TRDN: variants seen among roughly 807,000 people sequenced by gnomAD.
TRDN encodes the protein triadin in skeletal muscle.
A neutral mutation model predicts 149.7 loss-of-function variants in TRDN; 161 were observed. The ratio of observed to expected loss-of-function variants is 1.08; its 90% confidence interval spans 0.95 to 1.23. TRDN has a LOEUF of 1.23. Among genes scored for constraint, TRDN ranks in the 50% most tolerant of loss-of-function variants. The pLI, the probability that TRDN is intolerant of heterozygous loss-of-function variation, is 0.00. For synonymous variants in TRDN, 294 were observed against 250.5 expected, an observed-to-expected ratio of 1.17 and a Z score of -1.64; for missense variants, 896 against 823.5, an observed-to-expected ratio of 1.09 and a Z score of -1.08.
At chr6:123,561,613 C>T (rs1167816665) in intron 2 of TRDN, among the ~76,000 whole-genome samples, 1 of 152,152 alleles carries the variant, frequency 6.6e-6, no homozygotes, top group Non-Finnish European at 1.5e-5. Flanking sequence ...CTGGGTCCTC[C>T]CAATTTTCAG....
At chr6:123,416,333 A>G (rs1443719181) in intron 12 of TRDN, among the ~76,000 whole-genome samples, 1 of 151,816 alleles carries the variant, frequency 6.6e-6, no homozygotes, top group Non-Finnish European at 1.5e-5. Flanking sequence ...CCTGCTCCTC[A>G]CTCATGCTAT....
At chr6:123,455,406 CTGTGTGTGTG>C (rs71751722) in intron 10 of TRDN, among the ~76,000 whole-genome samples, 4 of 145,742 alleles carry the variant, frequency 2.7e-5, no homozygotes, top group Admixed American at 6.9e-5. Flanking sequence ...AAGGCAACCA[CTGTGTGTGTG>C]TGTGTGTGTG....
At chr6:123,525,640 T>C (rs780918496) in intron 5 of TRDN, among the ~76,000 whole-genome samples, 18 of 151,984 alleles carry the variant, frequency 1.2e-4, no homozygotes, top group Admixed American at 6.6e-5. Flanking sequence ...TCAATCCCCA[T>C]CATTATGAAA....
intron 12 of TRDN, among the ~76,000 whole-genome samples, chr6:123,405,308 G>A (rs114441088): frequency 2.5e-3 from 387 of 152,310 alleles, no homozygotes; most frequent in African/African-American, 8.5e-3. Flanking sequence ...TAAAAGGCAA[G>A]TTATTGGTCT....
intron 24 of TRDN, among the ~76,000 whole-genome samples, chr6:123,303,919 A>G (rs1373887143): frequency 6.6e-6 from 1 of 152,204 alleles, no homozygotes; most frequent in African/African-American, 2.4e-5. Context: ...AGAATCAGAA[A>G]AAAACAGGTT....
At chr6:123,276,696 T>G (rs567034716) in intron 26 of TRDN, among the ~76,000 whole-genome samples, 4 of 152,186 alleles carry the variant, frequency 2.6e-5, no homozygotes, top group African/African-American at 9.6e-5. Flanking sequence ...CCAGGAAACA[T>G]CTGTGGAGGA....
chr6:123,544,914 C>T (rs1222238384), intron 4 of TRDN, among the ~76,000 whole-genome samples: 1 of 151,792 alleles, frequency 6.6e-6, no homozygotes, highest in Non-Finnish European at 1.5e-5. Context: ...ATACTGCAAC[C>T]CTGAGATTAG....
intron 1 of TRDN, among the ~76,000 whole-genome samples, chr6:123,579,308 A>G (rs547112495): frequency 2.0e-5 from 3 of 152,250 alleles, no homozygotes; most frequent in South Asian, 2.1e-4. Flanking sequence ...ATTTTGAGGT[A>G]TGTTCCTTCA....
intron 6 of TRDN, among the ~76,000 whole-genome samples, chr6:123,512,930 T>C (rs1242236329): frequency 6.6e-6 from 1 of 152,174 alleles, no homozygotes; most frequent in Non-Finnish European, 1.5e-5. Flanking sequence ...CCAACAAGAA[T>C]AGTAATAATG....
intron 12 of TRDN, among the ~76,000 whole-genome samples, chr6:123,408,173 T>C (rs2114504675): frequency 6.6e-6 from 1 of 152,236 alleles, no homozygotes; most frequent in African/African-American, 2.4e-5. Context: ...TCCTGGCAAA[T>C]AGTAAGTATT....
rs549451933 is a variant in TRDN at position 123,269,567 on chromosome 6, C to A, written c.1738+282G>T. Among the ~76,000 whole-genome samples, 9 of 151,758 alleles carry A rather than the reference C, an allele frequency of 5.9e-5. No homozygotes were observed. In the South Asian group the frequency reaches 1.9e-3, roughly 32 times the overall value. Reference sequence around the variant, plus strand: ...CACAGTGACAGACTTCTGGATATTTCTTTTGTATAGTTATAATCATTAATT... The same window carrying A: ...CACAGTGACAGACTTCTGGATATTTATTTTGTATAGTTATAATCATTAATT... On this transcript the variant is annotated intron_variant, in intron 31 of 40. Coordinates refer to ENST00000334268, the MANE Select transcript of TRDN (RefSeq NM_006073.4).
intron 16 of TRDN, 57 bp from the exon 17 acceptor site, chr6:123,377,955 T>A: frequency 8.0e-7 from 1 of 1,253,600 alleles, no homozygotes; most frequent in Non-Finnish European, 1.1e-6. Flanking sequence ...AGTTTATGAA[T>A]CCCAACTTAA....
At chr6:123,278,393 T>G (rs1479455184) in intron 25 of TRDN, 46 bp from the exon 26 acceptor site, 1 of 1,126,792 alleles carries the variant, frequency 8.9e-7, no homozygotes, top group Non-Finnish European at 1.2e-6. Context: ...TAGAAAGATA[T>G]TCATTTCCTA....
At chr6:123,364,029 T>G (rs985866553) in intron 20 of TRDN, among the ~76,000 whole-genome samples, 1 of 152,200 alleles carries the variant, frequency 6.6e-6, no homozygotes, top group African/African-American at 2.4e-5. Flanking sequence ...CCAATCTAGC[T>G]GTTTCTGTAT....
rs1161110635 is a variant in TRDN, at chr6:123,453,126, TAAG to T, written c.931+11777_931+11779del. On this transcript the variant is annotated intron_variant, in intron 10 of 40. Coordinates refer to ENST00000334268, the MANE Select transcript of TRDN (RefSeq NM_006073.4). ...CCAAGATGGATAAAGGATTTAAACC[TAAG>T]ACATGAAACTATAAAAATTCTAGAA... Among the ~76,000 whole-genome samples the T allele has an allele frequency of 3.3e-5, 5 of 152,164 alleles. No homozygotes were observed. In the East Asian group the frequency reaches 9.6e-4, roughly 29 times the overall value.
intron 1 of TRDN, among the ~76,000 whole-genome samples, chr6:123,632,920 A>G (rs376828108): frequency 7.2e-4 from 110 of 151,896 alleles, no homozygotes; most frequent in African/African-American, 2.6e-3. Flanking sequence ...GGAGTAATGC[A>G]GTGTGTAGAA....
chr6:123,264,780 C>T (rs1289564279), intron 33 of TRDN, among the ~76,000 whole-genome samples: 5 of 151,998 alleles, frequency 3.3e-5, no homozygotes, highest in African/African-American at 9.7e-5. Context: ...CCATCAACAT[C>T]GAGACAATAC....
chr6:123,451,578 T>C (rs1264533694), intron 10 of TRDN, among the ~76,000 whole-genome samples: 1 of 151,994 alleles, frequency 6.6e-6, no homozygotes, highest in Non-Finnish European at 1.5e-5. Context: ...AGCAGACCAA[T>C]AACAAGCAGC....
At chr6:123,342,590 G>A (rs1780104171) in intron 21 of TRDN, among the ~76,000 whole-genome samples, 2 of 151,828 alleles carry the variant, frequency 1.3e-5, no homozygotes, top group Non-Finnish European at 2.9e-5. Flanking sequence ...TCTCCAAAGA[G>A]GTAGGTATTA....
Sources: gnomAD v4.1 joint callset for allele counts (sites outside exome capture counted in the v4.1 genomes callset) on GRCh38, gnomAD v4.1.1 for gene constraint, MANE v1.5 for transcripts, NCBI Gene and HGNC (gene_info 2026-07-23, HGNC 2026-07-21) for gene names.